Variants in SNCAIP observed in about 807,000 individuals in gnomAD.
The protein encoded by SNCAIP is synuclein alpha interacting protein.
A neutral mutation model predicts 86.7 loss-of-function variants in SNCAIP; 43 were observed. The observed-to-expected ratio is 0.50, with a 90% CI of 0.39 to 0.64. SNCAIP has a LOEUF of 0.64. SNCAIP is among the 30% of genes least tolerant of loss of function. The pLI is 0.00. For missense variants in SNCAIP, 981 were observed against 1,103.1 expected (o/e 0.89, Z 1.57); for synonymous variants, 417 against 427.2 (o/e 0.98, Z 0.29).
chr5:122,314,603 A>G (rs1271021086), intron 1 of SNCAIP, among the ~76,000 whole-genome samples: 1 of 152,222 alleles, frequency 6.6e-6, no homozygotes, highest in Admixed American at 6.5e-5. Context: ...CATTTGATTT[A>G]TATGCAGATT....
intron 1 of SNCAIP, among the ~76,000 whole-genome samples, chr5:122,314,759 A>G (rs1408984835): frequency 5.9e-5 from 9 of 152,194 alleles, no homozygotes; most frequent in Admixed American, 3.3e-4. Flanking sequence ...ACGTTTTTGA[A>G]ATTAATGATC....
chr5:122,401,231 G>A, intron 2 of SNCAIP: 3 of 1,119,446 alleles, frequency 2.7e-6, no homozygotes, highest in Non-Finnish European at 3.7e-6. Context: ...GTAGCACAAT[G>A]CATACTTGTA....
Position 122,423,340 on chromosome 5 carries a change from A to T in SNCAIP, c.603A>T (p.Ser201=). The T allele has an allele frequency of 6.2e-7, 1 of 1,614,088 alleles. No homozygotes were observed. Residue 201 remains serine, a synonymous_variant, in exon 4 of 11, where the codon TCA becomes TCT. Coordinates refer to ENST00000261368, the MANE Select transcript of SNCAIP (RefSeq NM_005460.4). The part of the protein sequence containing the change: ...ACSTGSSESS[S]SNMAPFCVLS... ...CTACAGGAAGTTCTGAGAGCTCATC[A>T]TCCAACATGGCACCATTTTGTGTTC...
At chr5:122,433,112 A>AGTGT (rs34711914) in intron 6 of SNCAIP, among the ~76,000 whole-genome samples, 20,012 of 147,682 alleles carry the variant, frequency 0.14, 1,449 homozygotes, top group Non-Finnish European at 0.17. Flanking sequence ...AACTTCTAGT[A>AGTGT]GTGTGTGTGT....
At chr5:122,338,761 A>G (rs931608085) in intron 1 of SNCAIP, among the ~76,000 whole-genome samples, 1 of 152,178 alleles carries the variant, frequency 6.6e-6, no homozygotes, top group Non-Finnish European at 1.5e-5. Flanking sequence ...GTTTTGTGTC[A>G]TTCATGTCTG....
chr5:122,314,681 A>G lies in SNCAIP; in HGVS notation c.-47+2397A>G, dbSNP rs375961274. Among the ~76,000 whole-genome samples, 22 of 152,330 alleles carry G rather than the reference A, an allele frequency of 1.4e-4. No homozygotes were observed. In the East Asian group the frequency reaches 4.2e-3, roughly 29 times the overall value. On this transcript the variant is annotated intron_variant, in intron 1 of 10. Transcript: ENST00000261368. ...TTTGCTAGTATCATATGTACTATGC[A>G]TGATTTTTCACTTTATAGATTAGGT...
At chr5:122,341,461 G>A (rs981379890) in intron 1 of SNCAIP, among the ~76,000 whole-genome samples, 11 of 152,090 alleles carry the variant, frequency 7.2e-5, no homozygotes, top group Non-Finnish European at 1.3e-4. Context: ...TCACCAAAGG[G>A]AACAATATAT....
At chr5:122,350,740 C>T (rs1457423414) in intron 1 of SNCAIP, among the ~76,000 whole-genome samples, 2 of 152,174 alleles carry the variant, frequency 1.3e-5, no homozygotes, top group Non-Finnish European at 2.9e-5. Context: ...TCAAAACTGC[C>T]TGCAGGCTGC....
chr5:122,402,215 C>G lies in SNCAIP; in HGVS notation c.58-1578C>G, dbSNP rs544676289. On this transcript the variant is annotated intron_variant, in intron 2 of 10. Coordinates refer to ENST00000261368, the MANE Select transcript of SNCAIP (RefSeq NM_005460.4). ...TTATCTAACTTGTACCAGCTGGTCT[C>G]AAGAAGCTACCAGAGTCCTTAGAGA... 2.0e-5 allele frequency among the ~76,000 whole-genome samples: 3 copies of G among 152,164 alleles called. No homozygotes were observed. The East Asian group carries it at 5.8e-4, about 29-fold the overall frequency.
chr5:122,428,533 G>A (rs1398856859), intron 5 of SNCAIP, among the ~76,000 whole-genome samples: 11 of 151,168 alleles, frequency 7.3e-5, no homozygotes, highest in Admixed American at 5.9e-4. Context: ...CTCCAGGATA[G>A]ACCAAATGTT....
rs1338273048 is a variant in SNCAIP at position 122,370,366 on chromosome 5, AT to A, written c.-46-20719del. The stretch of plus-strand genomic sequence containing the variant: ...TAATTAATTATTAAAATATAAATAT[AT>A]TTTATATTTCTTATACATGTATGTA... On this transcript the variant is annotated intron_variant, in intron 1 of 10. Coordinates refer to ENST00000261368, the MANE Select transcript of SNCAIP (RefSeq NM_005460.4). Among the ~76,000 whole-genome samples, 7 of 151,340 alleles carry A rather than the reference AT, an allele frequency of 4.6e-5. No individual in the cohort carries two copies. The East Asian group carries it at 1.2e-3, about 25-fold the overall frequency.
chr5:122,317,469 A>G (rs575509509), intron 1 of SNCAIP, among the ~76,000 whole-genome samples: 21 of 152,304 alleles, frequency 1.4e-4, no homozygotes, highest in African/African-American at 5.1e-4. Flanking sequence ...TCACATGCAT[A>G]TGCTTGAACC....
chr5:122,372,083 C>T (rs1182015010), intron 1 of SNCAIP, among the ~76,000 whole-genome samples: 1 of 152,152 alleles, frequency 6.6e-6, no homozygotes, highest in African/African-American at 2.4e-5. Flanking sequence ...GCTTTCCCAT[C>T]TGCTTCCACA....
chr5:122,456,305 C>T (rs1201091098), intron 10 of SNCAIP, among the ~76,000 whole-genome samples: 1 of 152,158 alleles, frequency 6.6e-6, no homozygotes, highest in Non-Finnish European at 1.5e-5. Flanking sequence ...AAATATTTTG[C>T]ATAGATCTTA....
intron 1 of SNCAIP, among the ~76,000 whole-genome samples, chr5:122,324,968 T>C (rs1753718931): frequency 6.6e-6 from 1 of 152,186 alleles, no homozygotes. Context: ...AATAACATAA[T>C]AACTGATTAT....
intron 3 of SNCAIP, among the ~76,000 whole-genome samples, chr5:122,422,416 G>T (rs980730617): frequency 6.6e-6 from 1 of 152,136 alleles, no homozygotes; most frequent in African/African-American, 2.4e-5. Context: ...TGCATTAGGG[G>T]TGTATGTGGA....
At chr5:122,369,500 T>C (rs1245824774) in intron 1 of SNCAIP, among the ~76,000 whole-genome samples, 1 of 152,210 alleles carries the variant, frequency 6.6e-6, no homozygotes, top group Non-Finnish European at 1.5e-5. Context: ...TAAATAACTT[T>C]TAGCAGTCTG....
intron 6 of SNCAIP, among the ~76,000 whole-genome samples, chr5:122,435,155 A>G (rs1779156006): frequency 6.6e-6 from 1 of 152,138 alleles, no homozygotes; most frequent in Admixed American, 6.5e-5. Context: ...GAAGTCTCAG[A>G]GGGTGCAATT....
At position 122,322,340 on chromosome 5, in the gene SNCAIP, C is replaced by G. The variant is rs190763276; in HGVS notation, c.-47+10056C>G. On this transcript the variant is annotated intron_variant, in intron 1 of 10. Coordinates refer to ENST00000261368, the MANE Select transcript of SNCAIP (RefSeq NM_005460.4). The stretch of plus-strand genomic sequence containing the variant: ...AACCCAACCTAAAAGATTGGTACTT[C>G]CATAAAACCATACTAACCACATATT... 2.4e-3 allele frequency among the ~76,000 whole-genome samples: 372 copies of G among 152,324 alleles called. 3 individuals carry two copies. The highest frequency in any genetic ancestry group is 8.3e-3 in the African/African-American group (347 of 41,582).
Sources: gnomAD v4.1 joint callset for allele counts (sites outside exome capture counted in the v4.1 genomes callset) on GRCh38, gnomAD v4.1.1 for gene constraint, MANE v1.5 for transcripts, NCBI Gene and HGNC (gene_info 2026-07-23, HGNC 2026-07-21) for gene names.